MEGF10: variants seen among roughly 807,000 people sequenced by gnomAD.
MEGF10 encodes the protein multiple epidermal growth factor-like domains protein 10.
In MEGF10, 86 loss-of-function variants were observed where a neutral mutation model predicts 147.5. That is an observed-to-expected ratio of 0.58 (90% CI 0.49 to 0.70). The LOEUF is 0.70. MEGF10 is among the 30% of genes least tolerant of loss of function. The probability of loss-of-function intolerance (pLI) is 0.00; values close to 1 mark genes in which losing one functional copy is unlikely to be tolerated. For missense variants in MEGF10, 1,329 were observed against 1,487.3 expected (o/e 0.89, Z 1.75); for synonymous variants, 478 against 525.5 (o/e 0.91, Z 1.24).
chr5:127,268,177 C>A, the MEGF10 span, among the ~76,000 whole-genome samples: 3 of 152,080 alleles, frequency 2.0e-5, no homozygotes, highest in Non-Finnish European at 4.4e-5. Flanking sequence ...CGTTATGTAC[C>A]CAGTAGTCAT....
At chr5:127,387,714 G>T (rs1264674839) in intron 5 of MEGF10, among the ~76,000 whole-genome samples, 1 of 152,154 alleles carries the variant, frequency 6.6e-6, no homozygotes, top group African/African-American at 2.4e-5. Context: ...AGTTCATTTT[G>T]CAAATGGAAA....
At chr5:127,279,640 A>AT in the MEGF10 span, among the ~76,000 whole-genome samples, 5 of 152,146 alleles carry the variant, frequency 3.3e-5, no homozygotes, top group African/African-American at 9.6e-5. Flanking sequence ...TTACTGCCTC[A>AT]TTTTTTTGCT....
At chr5:127,435,986 A>G (rs936302762) in intron 16 of MEGF10, among the ~76,000 whole-genome samples, 1 of 152,172 alleles carries the variant, frequency 6.6e-6, no homozygotes, top group African/African-American at 2.4e-5. Flanking sequence ...GTGTGACCCT[A>G]TAAGGGACTA....
chr5:127,435,741 C>T lies in MEGF10; in HGVS notation c.2104+252C>T, dbSNP rs147085199. ...AAATATGTAACATTTTCCTTATCCCCTTTTCAGTGATTCATCGTCCATTGA... is the reference window on the plus strand; with the variant it reads ...AAATATGTAACATTTTCCTTATCCCTTTTTCAGTGATTCATCGTCCATTGA... On this transcript the variant is annotated intron_variant, in intron 16 of 24. Coordinates refer to ENST00000503335, the MANE Select transcript of MEGF10 (RefSeq NM_001256545.2). 5.7e-3 allele frequency among the ~76,000 whole-genome samples: 859 copies of T among 151,986 alleles called. 10 individuals are homozygous for T. The highest frequency in any genetic ancestry group is 0.02 in the African/African-American group (814 of 41,462).
the MEGF10 span, among the ~76,000 whole-genome samples, chr5:127,255,409 C>G: frequency 3.3e-5 from 5 of 152,054 alleles, no homozygotes; most frequent in Admixed American, 1.3e-4. Context: ...TCTTATAATC[C>G]TAATCTCATA....
At chr5:127,366,759 A>C (rs932645389) in intron 4 of MEGF10, among the ~76,000 whole-genome samples, 1 of 152,240 alleles carries the variant, frequency 6.6e-6, no homozygotes, top group African/African-American at 2.4e-5. Context: ...CATAAAACAC[A>C]AAGTTTGCAC....
intron 4 of MEGF10, among the ~76,000 whole-genome samples, chr5:127,351,095 T>A (rs1389654033): frequency 6.6e-6 from 1 of 152,182 alleles, no homozygotes; most frequent in Non-Finnish European, 1.5e-5. Flanking sequence ...AACAGGGTGA[T>A]TATAGTCAGT....
chr5:127,391,100 G>GCACACACACA lies in MEGF10; in HGVS notation c.413-5431_413-5430insACACACACAC, dbSNP rs1173924866. 4.8e-3 allele frequency among the ~76,000 whole-genome samples: 194 copies of GCACACACACA among 40,086 alleles called. 2 individuals carry two copies. Among genetic ancestry groups the GCACACACACA allele is most frequent in the African/African-American group, 8.3e-3 (153 of 18,328 alleles). The allele number at this position is 40,086 out of a possible 152,430, so 26.3% of individuals were successfully genotyped here. On this transcript the variant is annotated intron_variant, in intron 5 of 24. Coordinates refer to ENST00000503335, the MANE Select transcript of MEGF10 (RefSeq NM_001256545.2). The stretch of plus-strand genomic sequence containing the variant: ...TACATACACACATGCGCGCGCGCGC[G>GCACACACACA]CGCACACACACACACACACACACAC...
chr5:127,421,988 CAAAA>C (rs34631374), intron 12 of MEGF10, among the ~76,000 whole-genome samples: 2 of 61,278 alleles, frequency 3.3e-5, no homozygotes, highest in Non-Finnish European at 7.2e-5. Context: ...GACTCCGTCT[CAAAA>C]AAAAAAAAAA....
At chr5:127,427,320 G>A (rs1412741088) in intron 13 of MEGF10, among the ~76,000 whole-genome samples, 1 of 152,172 alleles carries the variant, frequency 6.6e-6, no homozygotes, top group Non-Finnish European at 1.5e-5. Flanking sequence ...ATGAGAAGAG[G>A]TGGTTCAAGG....
At chr5:127,434,070 T>C (rs930308050) in intron 14 of MEGF10, among the ~76,000 whole-genome samples, 8 of 152,266 alleles carry the variant, frequency 5.3e-5, no homozygotes, top group African/African-American at 1.9e-4. Context: ...ATGTAACTAA[T>C]TATAAGTTAT....
chr5:127,374,512 T>TA (rs112609571), intron 5 of MEGF10, among the ~76,000 whole-genome samples: 59 of 151,846 alleles, frequency 3.9e-4, no homozygotes, highest in Admixed American at 1.1e-3. Context: ...TTCCTATACA[T>TA]AAAAAAAACC....
chr5:127,426,041 T>C (rs1311605035), intron 13 of MEGF10, among the ~76,000 whole-genome samples: 1 of 152,160 alleles, frequency 6.6e-6, no homozygotes, highest in African/African-American at 2.4e-5. Flanking sequence ...GTGGACACTG[T>C]GGGGAGAGGC....
At chr5:127,410,997 G>T (rs1368998681) in intron 9 of MEGF10, among the ~76,000 whole-genome samples, 1 of 152,084 alleles carries the variant, frequency 6.6e-6, no homozygotes, top group Non-Finnish European at 1.5e-5. Flanking sequence ...GATTCTTACT[G>T]CAGCATCTTT....
the MEGF10 span, among the ~76,000 whole-genome samples, chr5:127,239,696 T>C: frequency 6.6e-6 from 1 of 151,998 alleles, no homozygotes; most frequent in Non-Finnish European, 1.5e-5. Flanking sequence ...CCAGCATTGA[T>C]TGTTGTTGGC....
intron 8 of MEGF10, 59 bp downstream of exon 8, chr5:127,402,741 A>G: frequency 6.3e-7 from 1 of 1,593,854 alleles, no homozygotes; most frequent in East Asian, 2.2e-5. Flanking sequence ...GAAAGTTTGT[A>G]GGGTCCGGGG....
intron 1 of MEGF10, among the ~76,000 whole-genome samples, chr5:127,328,548 G>A (rs1304145914): frequency 6.6e-6 from 1 of 152,148 alleles, no homozygotes; most frequent in Non-Finnish European, 1.5e-5. Context: ...CAGATACAAA[G>A]CAAGAAGAGA....
chr5:127,453,153 C>T (rs1159880008), intron 22 of MEGF10, among the ~76,000 whole-genome samples: 1 of 152,182 alleles, frequency 6.6e-6, no homozygotes, highest in African/African-American at 2.4e-5. Flanking sequence ...AAATACTTAC[C>T]TGGAATGTTC....
At chr5:127,230,901 C>T in the MEGF10 span, among the ~76,000 whole-genome samples, 2 of 149,018 alleles carry the variant, frequency 1.3e-5, no homozygotes, top group South Asian at 2.2e-4. Context: ...TCCCTTTCAA[C>T]GCCTTTATTT....
Sources: allele counts gnomAD v4.1 joint callset (sites outside exome capture counted in the v4.1 genomes callset), GRCh38; gene constraint gnomAD v4.1.1; transcripts MANE v1.5; gene names NCBI Gene and HGNC (gene_info 2026-07-23, HGNC 2026-07-21).